GLIS3: variants seen among roughly 807,000 people sequenced by gnomAD.
GLIS3 encodes GLIS family zinc finger 3.
In GLIS3, 53 loss-of-function variants were observed where a neutral mutation model predicts 78.6. That is an observed-to-expected ratio of 0.67 (90% CI 0.54 to 0.85). GLIS3 has a LOEUF of 0.85. Ranked by LOEUF, GLIS3 falls within the 40% of genes least tolerant of loss-of-function variation. The pLI, the probability that GLIS3 is intolerant of heterozygous loss-of-function variation, is 0.00. For synonymous variants in GLIS3, 684 were observed against 509.9 expected, an observed-to-expected ratio of 1.34 and a Z score of -4.60; for missense variants, 1,703 against 1,231.1, an observed-to-expected ratio of 1.38 and a Z score of -5.74.
rs529212399 is a variant in GLIS3 at position 3,964,373 on chromosome 9, A to C, written c.1711-27184T>G. Reference sequence around the variant, plus strand: ...GGGCGTACAAAACACACTTGCATTAATTACATTCTCTTTGCACTGTATTTA... The same window carrying C: ...GGGCGTACAAAACACACTTGCATTACTTACATTCTCTTTGCACTGTATTTA... On this transcript the variant is annotated intron_variant, in intron 4 of 10. Coordinates refer to ENST00000381971, the MANE Select transcript of GLIS3 (RefSeq NM_001042413.2). Among the ~76,000 whole-genome samples, 9 of 152,358 alleles carry C rather than the reference A, an allele frequency of 5.9e-5. No individual in the cohort carries two copies. In the South Asian group the frequency reaches 1.9e-3, roughly 32 times the overall value.
the GLIS3 span, among the ~76,000 whole-genome samples, chr9:4,462,038 G>A: frequency 6.6e-6 from 1 of 152,276 alleles, no homozygotes; most frequent in Non-Finnish European, 1.5e-5. Context: ...GGAATAGCAA[G>A]AAGAGTACAC....
At chr9:4,028,238 A>G (rs1823515206) in intron 4 of GLIS3, among the ~76,000 whole-genome samples, 3 of 152,214 alleles carry the variant, frequency 2.0e-5, no homozygotes, top group Admixed American at 2.0e-4. Context: ...TCCATCTGCA[A>G]GATGGTGATA....
intron 2 of GLIS3, among the ~76,000 whole-genome samples, chr9:4,199,850 A>G (rs1004214429): frequency 6.6e-6 from 1 of 152,156 alleles, no homozygotes; most frequent in African/African-American, 2.4e-5. Context: ...CAACGAAAGA[A>G]TATATATTCT....
chr9:4,297,522 C>A (rs1414942141), intron 1 of GLIS3, among the ~76,000 whole-genome samples: 1 of 152,168 alleles, frequency 6.6e-6, no homozygotes, highest in Non-Finnish European at 1.5e-5. Context: ...GGCCCTGGGG[C>A]CCCAACTCTC....
chr9:3,900,006 C>G (rs1263653800), intron 6 of GLIS3, among the ~76,000 whole-genome samples: 1 of 151,970 alleles, frequency 6.6e-6, no homozygotes, highest in Non-Finnish European at 1.5e-5. Context: ...GAGGAATAAG[C>G]CGTACAGACC....
intron 4 of GLIS3, among the ~76,000 whole-genome samples, chr9:4,089,282 T>G (rs1450121469): frequency 2.0e-5 from 3 of 152,186 alleles, no homozygotes; most frequent in African/African-American, 7.2e-5. Context: ...CTGTTTAATG[T>G]TGGTATATCT....
At chr9:4,127,662 A>G (rs1465589461) in intron 2 of GLIS3, among the ~76,000 whole-genome samples, 1 of 152,180 alleles carries the variant, frequency 6.6e-6, no homozygotes, top group Non-Finnish European at 1.5e-5. Flanking sequence ...GTGATGGTTC[A>G]TAGCCTAGTC....
intron 2 of GLIS3, among the ~76,000 whole-genome samples, chr9:4,159,914 CTTGT>C (rs1835348539): frequency 6.6e-6 from 1 of 152,216 alleles, no homozygotes; most frequent in South Asian, 2.1e-4. Flanking sequence ...TGTCCTCAGA[CTTGT>C]TTATTTATAC....
chr9:3,850,315 C>T (rs1466257887), intron 9 of GLIS3, among the ~76,000 whole-genome samples: 1 of 152,088 alleles, frequency 6.6e-6, no homozygotes, highest in Non-Finnish European at 1.5e-5. Flanking sequence ...TGGGAGGGAG[C>T]CCCCTGGGAC....
At chr9:4,330,470 C>T (rs942163240) in intron 2 of GLIS3, among the ~76,000 whole-genome samples, 1 of 152,138 alleles carries the variant, frequency 6.6e-6, no homozygotes, top group Admixed American at 6.5e-5. Flanking sequence ...AATTAAAAAG[C>T]GAAAGACCCA....
chr9:4,145,459 T>C (rs548653363), intron 2 of GLIS3, among the ~76,000 whole-genome samples: 37 of 152,024 alleles, frequency 2.4e-4, no homozygotes, highest in Non-Finnish European at 4.7e-4. Flanking sequence ...ATACATATAG[T>C]ACAACCAATT....
At chr9:4,371,565 C>A in the GLIS3 span, among the ~76,000 whole-genome samples, 1 of 152,144 alleles carries the variant, frequency 6.6e-6, no homozygotes, top group Non-Finnish European at 1.5e-5. Context: ...GACACCCTAC[C>A]ACCCCTAACC....
At chr9:3,988,702 A>G (rs1240368244) in intron 4 of GLIS3, among the ~76,000 whole-genome samples, 1 of 152,124 alleles carries the variant, frequency 6.6e-6, no homozygotes, top group Non-Finnish European at 1.5e-5. Flanking sequence ...AAGCACGCAT[A>G]GACAAAAAAA....
At chr9:4,100,078 A>C (rs10974332) in intron 4 of GLIS3, among the ~76,000 whole-genome samples, 4,085 of 152,294 alleles carry the variant, frequency 0.027, 194 homozygotes, top group African/African-American at 0.094. Context: ...AATGTTTTGA[A>C]ACGTAAAATT....
intron 2 of GLIS3, among the ~76,000 whole-genome samples, chr9:4,192,509 A>G (rs1441728098): frequency 6.6e-6 from 1 of 152,246 alleles, no homozygotes; most frequent in East Asian, 1.9e-4. Flanking sequence ...CTATGTTAAG[A>G]ACTGCCTGTA....
intron 2 of GLIS3, among the ~76,000 whole-genome samples, chr9:4,311,260 T>A (rs986055773): frequency 5.3e-5 from 8 of 152,012 alleles, no homozygotes; most frequent in African/African-American, 1.9e-4. Flanking sequence ...AATACAAAAA[T>A]TATCCGGGCG....
intron 8 of GLIS3, among the ~76,000 whole-genome samples, chr9:3,873,473 G>A (rs1429419763): frequency 6.6e-6 from 1 of 152,104 alleles, no homozygotes; most frequent in Non-Finnish European, 1.5e-5. Flanking sequence ...AAAACCATAT[G>A]ATCATCAGTT....
intron 7 of GLIS3, among the ~76,000 whole-genome samples, chr9:3,880,662 A>G (rs1821667895): frequency 6.6e-6 from 1 of 152,202 alleles, no homozygotes; most frequent in African/African-American, 2.4e-5. Context: ...TGAGGGTTTA[A>G]AAGTTCAGGG....
intron 2 of GLIS3, among the ~76,000 whole-genome samples, chr9:4,180,686 C>G (rs1261555603): frequency 6.6e-6 from 1 of 152,192 alleles, no homozygotes; most frequent in African/African-American, 2.4e-5. Flanking sequence ...ATCTTATATG[C>G]AAGCCAAACC....
Sources: allele counts gnomAD v4.1 joint callset (sites outside exome capture counted in the v4.1 genomes callset), GRCh38; gene constraint gnomAD v4.1.1; transcripts MANE v1.5; gene names NCBI Gene and HGNC (gene_info 2026-07-23, HGNC 2026-07-21).